BPIFB1: variants seen among roughly 807,000 people sequenced by gnomAD.
BPIFB1 encodes the protein BPI fold-containing family B member 1.
BPIFB1 carries 34 observed loss-of-function variants against 55.1 expected under a neutral mutation model. That is an observed-to-expected ratio of 0.62 (90% CI 0.47 to 0.82). The LOEUF is 0.82. Ranked by LOEUF, BPIFB1 falls within the 40% of genes least tolerant of loss-of-function variation. The probability of loss-of-function intolerance (pLI) is 0.00; values close to 1 mark genes in which losing one functional copy is unlikely to be tolerated. For synonymous variants in BPIFB1, 236 were observed against 245.3 expected (o/e 0.96, Z 0.35); for missense variants, 532 against 593.1 (o/e 0.90, Z 1.07).
intron 1 of BPIFB1, among the ~76,000 whole-genome samples, chr20:33,285,529 C>T (rs545088225): frequency 9.9e-4 from 150 of 151,112 alleles, no homozygotes; most frequent in Non-Finnish European, 1.7e-3. Flanking sequence ...CTGGCTAACA[C>T]GGTGAAACCC....
rs1484673993 is a variant in BPIFB1 at position 33,288,804 on chromosome 20, G to A, written c.179G>A (p.Ser60Asn). The change falls in exon 3 of 16, where the codon AGT becomes AAT. Residue 60 changes from serine to asparagine, a missense_variant. Ser to Asn is a conservative substitution (Grantham distance 46, BLOSUM62 1). Transcript: ENST00000253354. ...ATCCTGCAGCAGCTGCCGCTGCTCA[G>A]TGCCATGCGGGAAAAGCCAGCCGGA... is the stretch of plus-strand genomic sequence containing the variant. ...TSILQQLPLL[S>N]AMREKPAGGI... The A allele has an allele frequency of 2.5e-6, 4 of 1,613,914 alleles. No individual in the cohort carries two copies. The highest frequency in any genetic ancestry group is 1.1e-5 in the South Asian group (1 of 91,086).
At chr20:33,308,626 C>A (rs1981119866) in intron 15 of BPIFB1, among the ~76,000 whole-genome samples, 1 of 137,368 alleles carries the variant, frequency 7.3e-6, no homozygotes, top group African/African-American at 2.8e-5. Flanking sequence ...ACACACACAC[C>A]TTTATACACC....
Position 33,303,042 on chromosome 20 carries a change from G to A in BPIFB1, c.1108G>A (p.Glu370Lys). Reference sequence around the variant, plus strand: ...CGTGCTGGAAGTGTTTCCCTCCAGTGAAGCCCTCCGCCCTTTGTTCACCCT... The same window carrying A: ...CGTGCTGGAAGTGTTTCCCTCCAGTAAAGCCCTCCGCCCTTTGTTCACCCT... Reference protein sequence around the residue: ...LIVLEVFPSSEALRPLFTLGI... With the variant: ...LIVLEVFPSSKALRPLFTLGI... The change falls in exon 11 of 16, where the codon GAA (glutamate) becomes AAA (lysine). Residue 370 changes from glutamate (E) to lysine (K), a missense_variant. Glu to Lys is a moderately conservative substitution (Grantham distance 56). Transcript: ENST00000253354. The A allele has an allele frequency of 6.2e-7, 1 of 1,614,070 alleles. No homozygotes were observed. The highest frequency in any genetic ancestry group is 8.5e-7 in the Non-Finnish European group (1 of 1,180,032).
rs1980488427 is a variant in BPIFB1, at chr20:33,292,004, GC to G, written c.597+18del. 6.2e-7 allele frequency: 1 copy of G among 1,612,290 alleles called. No homozygotes were observed. The highest frequency in any genetic ancestry group is 8.5e-7 in the Non-Finnish European group (1 of 1,178,374). On this transcript the variant is annotated intron_variant, in intron 6 of 15. Transcript: ENST00000253354. The stretch of plus-strand genomic sequence containing the variant: ...GAAAAACCAGGTGAGTGGAATCAGG[GC>G]CTCTCTGGCCTGTGGGCATTGCGCC...
intron 7 of BPIFB1, among the ~76,000 whole-genome samples, chr20:33,298,369 C>T (rs1197089408): frequency 1.3e-5 from 2 of 152,244 alleles, no homozygotes; most frequent in African/African-American, 4.8e-5. Flanking sequence ...CCTGCCCCCA[C>T]ATCAGAACTC....
intron 4 of BPIFB1, 146 bp from the exon 5 acceptor site, chr20:33,290,811 C>G (rs1980441045): frequency 1.2e-6 from 1 of 840,752 alleles, no homozygotes; most frequent in African/African-American, 1.7e-5. Flanking sequence ...CTGGGACATG[C>G]TGGGGTGAAG....
rs372508992 is a variant in BPIFB1, at chr20:33,297,533, C to G, written c.606C>G (p.Pro202=). Residue 202 remains proline (P), a synonymous_variant, in exon 7 of 16, where the codon CCC becomes CCG. Transcript: ENST00000253354. The part of the protein sequence containing the change: ...LPNLVKNQLC[P]VIEASFNGMY... ...TGCTTATGCTGTTGCAGCTGTGTCCCGTGATCGAGGCTTCCTTCAATGGCA... is the reference window on the plus strand; with the variant it reads ...TGCTTATGCTGTTGCAGCTGTGTCCGGTGATCGAGGCTTCCTTCAATGGCA... 6.2e-7 allele frequency: 1 copy of G among 1,614,186 alleles called. No individual in the cohort carries two copies. Among genetic ancestry groups the G allele is most frequent in the East Asian group, 2.2e-5 (1 of 44,882 alleles).
chr20:33,309,819 G>A lies in BPIFB1; in HGVS notation c.*52G>A, dbSNP rs956264519. 2 of 1,504,016 alleles carry A rather than the reference G, an allele frequency of 1.3e-6. No homozygotes were observed. Among genetic ancestry groups the A allele is most frequent in the Non-Finnish European group, 1.8e-6 (2 of 1,081,112 alleles). The allele number at this position is 1,504,016 out of a possible 1,614,324, so 93.2% of individuals were successfully genotyped here. A position where few individuals can be genotyped will look rare whatever the true frequency, so the allele number is the denominator to read the frequency against. ...GGCTGGGTCCCAGCTGGGAGTATGGGTGTGAGCTCTATAGACCATCCCTCT... is the reference window on the plus strand; with the variant it reads ...GGCTGGGTCCCAGCTGGGAGTATGGATGTGAGCTCTATAGACCATCCCTCT... On this transcript the variant is annotated 3_prime_UTR_variant, in exon 16 of 16. Transcript: ENST00000253354. The surrounding 1 kb of genome is among the most constrained non-coding windows in gnomAD (Gnocchi z 4.4).
chr20:33,291,598 T>C (rs1285330123), intron 5 of BPIFB1, among the ~76,000 whole-genome samples: 1 of 152,228 alleles, frequency 6.6e-6, no homozygotes, highest in Non-Finnish European at 1.5e-5. Context: ...TGCACGCGCA[T>C]GGTGGTGCCA....
intron 14 of BPIFB1, chr20:33,306,501 C>G (rs1410888147): frequency 6.4e-6 from 2 of 313,256 alleles, no homozygotes. Flanking sequence ...GTGCCTGGCA[C>G]AGTCAGTGCC....
rs1367819519 is a variant in BPIFB1, at chr20:33,290,882, A to G, written c.366-75A>G. Reference sequence around the variant, plus strand: ...TGAGGAAGGAGGTGAGGGCTGGAAGACAGAGACGGACGGCAGGGTTGCTCC... The same window carrying G: ...TGAGGAAGGAGGTGAGGGCTGGAAGGCAGAGACGGACGGCAGGGTTGCTCC... On this transcript the variant is annotated intron_variant, in intron 4 of 15. Coordinates refer to ENST00000253354, the MANE Select transcript of BPIFB1 (RefSeq NM_033197.3). 15 of 1,530,478 alleles carry G rather than the reference A, an allele frequency of 9.8e-6. No homozygotes were observed. In the Middle Eastern group the frequency reaches 1.5e-3, roughly 155 times the overall value. 94.8% of individuals were successfully genotyped at this position (1,530,478 alleles called of 1,614,324 possible).
intron 2 of BPIFB1, among the ~76,000 whole-genome samples, chr20:33,286,513 G>A (rs752197088): frequency 1.4e-4 from 21 of 152,312 alleles, no homozygotes; most frequent in Admixed American, 5.2e-4. Context: ...AGAGCACCCC[G>A]TCTTAGTTAG....
At chr20:33,295,630 G>T (rs1980612898) in intron 6 of BPIFB1, among the ~76,000 whole-genome samples, 1 of 142,456 alleles carries the variant, frequency 7.0e-6, no homozygotes, top group South Asian at 2.2e-4. Context: ...CTCGAAAGAA[G>T]AAAGAAAGAG....
chr20:33,308,291 G>A (rs965758009), intron 15 of BPIFB1, among the ~76,000 whole-genome samples: 8 of 152,272 alleles, frequency 5.3e-5, no homozygotes, highest in East Asian at 3.9e-4. Context: ...AGATTTGGGC[G>A]GGGACACAGA....
chr20:33,290,091 C>T, intron 4 of BPIFB1, 99 bp downstream of exon 4: 1 of 945,926 alleles, frequency 1.1e-6, no homozygotes, highest in Non-Finnish European at 1.7e-6. Context: ...AAAGAGAGTT[C>T]CGAGCAGAGA....
intron 7 of BPIFB1, chr20:33,298,881 A>T (rs1323044274): frequency 1.6e-5 from 6 of 376,142 alleles, no homozygotes; most frequent in Non-Finnish European, 2.0e-5. Context: ...TTCACACATT[A>T]CATTTTGTTG....
intron 10 of BPIFB1, 150 bp from the exon 11 acceptor site, chr20:33,302,766 A>G: frequency 5.8e-6 from 5 of 856,216 alleles, no homozygotes; most frequent in Non-Finnish European, 8.9e-6. Flanking sequence ...GAACAACACA[A>G]CATTCAAGGA....
At chr20:33,307,902 G>GAT (rs887799061) in intron 15 of BPIFB1, 5 of 150,868 alleles carry the variant, frequency 3.3e-5, no homozygotes, top group African/African-American at 1.2e-4. Flanking sequence ...CAACAAGAGT[G>GAT]AAATCCATCC....
intron 2 of BPIFB1, among the ~76,000 whole-genome samples, chr20:33,288,160 A>C (rs1980333005): frequency 6.6e-6 from 1 of 152,168 alleles, no homozygotes; most frequent in African/African-American, 2.4e-5. Flanking sequence ...GCTCTCCAGC[A>C]CTTCTGACCT....
Sources: gnomAD v4.1 joint callset for allele counts (sites outside exome capture counted in the v4.1 genomes callset) on GRCh38, gnomAD v4.1.1 for gene constraint, Gnocchi (gnomAD v3.1) non-coding constraint, MANE v1.5 for transcripts, NCBI Gene and HGNC (gene_info 2026-07-23, HGNC 2026-07-21) for gene names.